Variants in FYB2 observed in about 807,000 individuals in gnomAD.
The protein encoded by FYB2 is FYN binding protein 2.
A neutral mutation model predicts 94.1 loss-of-function variants in FYB2; 103 were observed. The ratio of observed to expected loss-of-function variants is 1.09; its 90% CI spans 0.93 to 1.29. The LOEUF (loss-of-function observed/expected upper bound fraction) is 1.29, where lower values mean the gene tolerates loss of function less well. Ranked by LOEUF, FYB2 falls within the 50% of genes most tolerant of loss-of-function variation. The probability of loss-of-function intolerance (pLI) is 0.00; values close to 1 mark genes in which losing one functional copy is unlikely to be tolerated. For missense variants in FYB2, 896 were observed against 841.5 expected, an observed-to-expected ratio of 1.06 and a Z score of -0.80; for synonymous variants, 293 against 287.9, an observed-to-expected ratio of 1.02 and a Z score of -0.18.
Position 56,776,089 on chromosome 1 carries a change from C to T in FYB2, c.954-8151G>A, listed in dbSNP as rs1486897272. ...GTCTGGAAACCACACCTTCTGATTC[C>T]TAGTCCATTGGTTCTCTCCTCTGCA... On this transcript the variant is annotated intron_variant, in intron 4 of 19. Transcript: ENST00000343433. Among the ~76,000 whole-genome samples the T allele has an allele frequency of 2.0e-5, 3 of 152,126 alleles. No homozygotes were observed. In the East Asian group the frequency reaches 5.8e-4, roughly 29 times the overall value.
chr1:56,792,933 AG>A, intron 1 of FYB2, 130 bp from the exon 2 acceptor site: 1 of 962,550 alleles, frequency 1.0e-6, no homozygotes, highest in Non-Finnish European at 1.5e-6. Context: ...CACCATGTTA[AG>A]GGACTCTAAC....
chr1:56,752,488 G>A (rs1254557485), intron 8 of FYB2, among the ~76,000 whole-genome samples: 1 of 151,944 alleles, frequency 6.6e-6, no homozygotes, highest in Non-Finnish European at 1.5e-5. Context: ...CATAAGGAGT[G>A]GATTATCCTG....
intron 13 of FYB2, 114 bp from the exon 14 acceptor site, chr1:56,738,767 G>A (rs773630876): frequency 9.3e-6 from 10 of 1,071,434 alleles, no homozygotes; most frequent in Non-Finnish European, 1.4e-5. Flanking sequence ...TCTTGCCCTG[G>A]TATTCTCTGA....
intron 4 of FYB2, among the ~76,000 whole-genome samples, chr1:56,770,931 T>A (rs1183260026): frequency 2.0e-5 from 3 of 152,164 alleles, no homozygotes; most frequent in Admixed American, 6.5e-5. Flanking sequence ...AAAATTTAGT[T>A]CACATTCATC....
chr1:56,747,293 G>A (rs1321699595), intron 9 of FYB2, among the ~76,000 whole-genome samples: 2 of 150,690 alleles, frequency 1.3e-5, no homozygotes, highest in Non-Finnish European at 3.0e-5. Flanking sequence ...TGAGATACAT[G>A]TGCAGAATAT....
intron 5 of FYB2, among the ~76,000 whole-genome samples, chr1:56,763,028 T>C (rs12095329): frequency 6.6e-6 from 1 of 152,234 alleles, no homozygotes; most frequent in Admixed American, 6.5e-5. Flanking sequence ...CCTGCCAATA[T>C]GGTGATTTTG....
rs3818960 is a variant in FYB2 at position 56,755,885 on chromosome 1, A to G, written c.1130+11T>C. On this transcript the variant is annotated intron_variant, in intron 7 of 19. Transcript: ENST00000343433. ...TGGACAGGTGCTTTTCTTTTGAAAG[A>G]TAAAACTCACCTAGGTTCTGGATAG... is the stretch of plus-strand genomic sequence containing the variant. The G allele has an allele frequency of 4.4e-3, 6,980 of 1,603,180 alleles. 327 individuals carry two copies. The East Asian group carries it at 0.11, about 26-fold the overall frequency.
chr1:56,756,029 A>C, intron 6 of FYB2, 102 bp from the exon 7 acceptor site: 1 of 1,127,850 alleles, frequency 8.9e-7, no homozygotes, highest in Non-Finnish European at 1.3e-6. Flanking sequence ...GGTGAGGGGG[A>C]TGAAGCCTCA....
Position 56,740,777 on chromosome 1 carries a change from T to A in FYB2, c.1623A>T (p.Ala541=). Residue 541 remains alanine (A), a synonymous_variant, in exon 13 of 20, where the codon GCA becomes GCT. Transcript: ENST00000343433. The part of the protein sequence containing the change: ...YPKIDLDGKE[A]LKRLQQFFKK... Reference sequence around the variant, plus strand: ...TGAAGAATTGCTGCAGTCTTTTGAGTGCTTCTTTTCCATCTAAACTGAGAG... The same window carrying A: ...TGAAGAATTGCTGCAGTCTTTTGAGAGCTTCTTTTCCATCTAAACTGAGAG... 1.2e-6 allele frequency: 2 copies of A among 1,606,066 alleles called. No individual in the cohort carries two copies. The highest frequency in any genetic ancestry group is 2.2e-5 in the South Asian group (2 of 90,230).
intron 16 of FYB2, among the ~76,000 whole-genome samples, chr1:56,726,226 T>C (rs887383196): frequency 4.6e-5 from 7 of 152,098 alleles, no homozygotes; most frequent in Non-Finnish European, 1.5e-5. Flanking sequence ...TTTGTCATTG[T>C]TTGAAAATGG....
At chr1:56,755,838 C>T in intron 7 of FYB2, 58 bp downstream of exon 7, 1 of 1,504,054 alleles carries the variant, frequency 6.6e-7, no homozygotes, top group South Asian at 1.2e-5. Flanking sequence ...AAAACTAGTT[C>T]AGTCATCAGA....
At chr1:56,791,265 T>TTC (rs1646258077) in intron 2 of FYB2, among the ~76,000 whole-genome samples, 1 of 151,898 alleles carries the variant, frequency 6.6e-6, no homozygotes, top group Admixed American at 6.6e-5. Flanking sequence ...CTTATCTTTT[T>TTC]TTTTTTTTTA....
intron 1 of FYB2, among the ~76,000 whole-genome samples, chr1:56,807,719 G>A (rs1010318507): frequency 1.8e-4 from 28 of 152,118 alleles, no homozygotes; most frequent in Non-Finnish European, 2.4e-4. Flanking sequence ...TGGAATTCCC[G>A]TTTTATAGAT....
intron 1 of FYB2, among the ~76,000 whole-genome samples, chr1:56,809,969 C>T (rs1646729459): frequency 6.6e-6 from 1 of 151,190 alleles, no homozygotes; most frequent in South Asian, 2.1e-4. Flanking sequence ...AGCAAACCCA[C>T]GATAATGATA....
intron 3 of FYB2, among the ~76,000 whole-genome samples, chr1:56,788,289 A>G (rs1264728856): frequency 6.6e-6 from 1 of 152,226 alleles, no homozygotes; most frequent in South Asian, 2.1e-4. Context: ...TGGCCACAGT[A>G]AAACAAATGT....
intron 17 of FYB2, among the ~76,000 whole-genome samples, chr1:56,722,047 C>G (rs1347014704): frequency 1.3e-5 from 2 of 151,954 alleles, no homozygotes; most frequent in African/African-American, 4.8e-5. Context: ...ATATCTTTCA[C>G]ACATGAAACA....
At chr1:56,736,494 C>T (rs1276452579) in intron 15 of FYB2, among the ~76,000 whole-genome samples, 1 of 142,070 alleles carries the variant, frequency 7.0e-6, no homozygotes, top group Non-Finnish European at 1.5e-5. Context: ...GGTGTGATCC[C>T]GGCTCACTAC....
chr1:56,762,816 G>T lies in FYB2; in HGVS notation c.1064-4066C>A, dbSNP rs192174591. ...CTGCAGACATCCTTGCCTTGTTACC[G>T]GTAGTAGGGGAAAAGCATTCAGTGT... is the stretch of plus-strand genomic sequence containing the variant. On this transcript the variant is annotated intron_variant, in intron 5 of 19. Transcript: ENST00000343433. Among the ~76,000 whole-genome samples the T allele has an allele frequency of 5.9e-5, 9 of 152,222 alleles. No homozygotes were observed. The South Asian group carries it at 1.9e-3, about 32-fold the overall frequency.
Position 56,789,207 on chromosome 1 carries a change from C to T in FYB2, c.758-73G>A, listed in dbSNP as rs918449114. ...ATAGCTTGTGGGTAAAACTGGTTTC[C>T]TTGCCTCCATCTAAGTCCCGTCCAA... On this transcript the variant is annotated intron_variant, in intron 2 of 19. Transcript: ENST00000343433. 2.7e-6 allele frequency: 4 copies of T among 1,487,230 alleles called. No homozygotes were observed. The African/African-American group carries it at 5.6e-5, about 21-fold the overall frequency. 92.1% of individuals were successfully genotyped at this position (1,487,230 alleles called of 1,614,324 possible).
Sources: gnomAD v4.1 joint callset for allele counts (sites outside exome capture counted in the v4.1 genomes callset) on GRCh38, gnomAD v4.1.1 for gene constraint, MANE v1.5 for transcripts, NCBI Gene and HGNC (gene_info 2026-07-23, HGNC 2026-07-21) for gene names.